Variants in BBS9 observed in about 807,000 individuals in gnomAD.
BBS9 encodes Bardet-Biedl syndrome 9.
In BBS9, 89 loss-of-function variants were observed where a neutral mutation model predicts 117.7. The observed-to-expected ratio is 0.76, with a 90% CI of 0.64 to 0.90. The LOEUF (loss-of-function observed/expected upper bound fraction) is 0.90. BBS9 is among the 40% of genes least tolerant of loss of function. BBS9 has a pLI of 0.00. For synonymous variants in BBS9, 379 were observed against 370.9 expected, an observed-to-expected ratio of 1.02 and a Z score of -0.25; for missense variants, 982 against 1,042.2, an observed-to-expected ratio of 0.94 and a Z score of 0.80.
intron 19 of BBS9, among the ~76,000 whole-genome samples, chr7:33,475,902 C>G (rs1007052598): frequency 2.2e-4 from 33 of 152,238 alleles, no homozygotes; most frequent in African/African-American, 7.9e-4. Context: ...GAAAATGGAA[C>G]AAGAATACCC....
intron 11 of BBS9, 64 bp from the exon 12 acceptor site, chr7:33,344,517 G>C: frequency 7.3e-7 from 1 of 1,373,128 alleles, no homozygotes; most frequent in East Asian, 2.3e-5. Flanking sequence ...CACTCATTGT[G>C]TTCACTCACT....
intron 15 of BBS9, among the ~76,000 whole-genome samples, chr7:33,354,712 A>T (rs1158847564): frequency 2.0e-5 from 3 of 151,960 alleles, no homozygotes; most frequent in African/African-American, 7.2e-5. Context: ...TTCCAATTTG[A>T]CAGTGATACT....
chr7:33,441,298 T>C (rs1836143557), intron 19 of BBS9, among the ~76,000 whole-genome samples: 1 of 149,708 alleles, frequency 6.7e-6, no homozygotes. Flanking sequence ...AAAAATAAAA[T>C]AAAAGGGTGG....
Position 33,581,076 on chromosome 7 carries a change from T to TG in BBS9, c.2522-23789_2522-23788insG, listed in dbSNP as rs1563396889. Among the ~76,000 whole-genome samples, 283 of 145,164 alleles carry TG rather than the reference T, an allele frequency of 1.9e-3. 1 individual carries two copies. Among genetic ancestry groups the TG allele is most frequent in the African/African-American group, 6.9e-3 (259 of 37,364 alleles). ...AAAGGTGTGTATTTTGTGTGTATTT[T>TG]TGTGTGTGTGTGTGTGTGTGAGAGA... On this transcript the variant is annotated intron_variant, in intron 21 of 22. Transcript: ENST00000242067.
chr7:33,533,389 G>A (rs945076442), intron 20 of BBS9, among the ~76,000 whole-genome samples: 1 of 152,186 alleles, frequency 6.6e-6, no homozygotes, highest in African/African-American at 2.4e-5. Context: ...CAGGCCCTGT[G>A]TCTCACACGA....
intron 1 of BBS9, among the ~76,000 whole-genome samples, chr7:33,134,215 ATTTTTTT>A (rs59609414): frequency 5.1e-5 from 6 of 118,052 alleles, no homozygotes; most frequent in East Asian, 2.5e-4. Flanking sequence ...ACGCCTGGCT[ATTTTTTT>A]TTTTTTTTTT....
chr7:33,563,776 T>C (rs573715817), intron 21 of BBS9, among the ~76,000 whole-genome samples: 3 of 152,286 alleles, frequency 2.0e-5, no homozygotes, highest in Admixed American at 2.0e-4. Context: ...GGAAGGAATG[T>C]CTGAGTATGA....
chr7:33,350,893 C>T (rs911317665), intron 13 of BBS9, among the ~76,000 whole-genome samples: 4 of 152,194 alleles, frequency 2.6e-5, no homozygotes, highest in Admixed American at 6.5e-5. Flanking sequence ...GTGGTTTTCT[C>T]ATGTTGGCTA....
chr7:33,536,681 T>TCCCCCCCCCCCCCC (rs1563323298), intron 21 of BBS9, among the ~76,000 whole-genome samples: 5 of 44,290 alleles, frequency 1.1e-4, no homozygotes, highest in Admixed American at 1.8e-4. Context: ...GATTCGGCCT[T>TCCCCCCCCCCCCCC]CCCCCCGCCC....
chr7:33,184,029 C>G (rs1177605881), intron 5 of BBS9, among the ~76,000 whole-genome samples: 1 of 151,966 alleles, frequency 6.6e-6, no homozygotes, highest in Non-Finnish European at 1.5e-5. Flanking sequence ...CTCACAAATC[C>G]TTTTTCTCAT....
In BBS9 at chr7:33,264,236, T is replaced by G. The variant is rs41276009; in HGVS notation, c.618-54T>G. On this transcript the variant is annotated intron_variant, in intron 6 of 22. Transcript: ENST00000242067. ...GTGTACTTTTAAAGTTTAAAATAAT[T>G]TATAATTTTTAATTATAAACTCATT... 0.026 allele frequency: 24,683 copies of G among 935,224 alleles called. 571 individuals carry two copies. The highest frequency in any genetic ancestry group is 0.094 in the African/African-American group (5,467 of 58,362). 57.9% of individuals were successfully genotyped at this position (935,224 alleles called of 1,614,324 possible). A position where few individuals can be genotyped will look rare whatever the true frequency, so the allele number is the denominator to read the frequency against.
At chr7:33,512,793 C>T (rs570196543) in intron 20 of BBS9, among the ~76,000 whole-genome samples, 3 of 152,338 alleles carry the variant, frequency 2.0e-5, no homozygotes, top group African/African-American at 7.2e-5. Flanking sequence ...GGCTCTGTGT[C>T]TCCCTGAATC....
chr7:33,291,605 C>A (rs1261868485), intron 9 of BBS9, among the ~76,000 whole-genome samples: 1 of 152,058 alleles, frequency 6.6e-6, no homozygotes, highest in Non-Finnish European at 1.5e-5. Flanking sequence ...GATTAATGAA[C>A]CTTGAGTTTT....
chr7:33,527,362 C>G lies in BBS9; in HGVS notation c.2299-6592C>G, dbSNP rs1457420475. ...CTCCCCCAGCCTCGCTGCCGCCTTG[C>G]AGTGTGATCTCAGACTGCTGTGCTA... On this transcript the variant is annotated intron_variant, in intron 20 of 22. Coordinates refer to ENST00000242067, the MANE Select transcript of BBS9 (RefSeq NM_198428.3). Among the ~76,000 whole-genome samples the G allele has an allele frequency of 2.0e-5, 3 of 152,180 alleles. No individual in the cohort carries two copies. The East Asian group carries it at 5.8e-4, about 29-fold the overall frequency.
At chr7:33,219,700 C>T (rs1229925191) in intron 5 of BBS9, among the ~76,000 whole-genome samples, 6 of 152,102 alleles carry the variant, frequency 3.9e-5, no homozygotes, top group Non-Finnish European at 8.8e-5. Context: ...GGATTATAAA[C>T]GCACCAATCA....
rs6977009 is a variant in BBS9 at position 33,334,393 on chromosome 7, G to C, written c.1017-2048G>C. On this transcript the variant is annotated intron_variant, in intron 9 of 22. Transcript: ENST00000242067. ...TGATGAATCTCACATTCTCTGAGAAGCCCCCCCCAGAGGTCTGCGCTTTAG... is the reference window on the plus strand; with the variant it reads ...TGATGAATCTCACATTCTCTGAGAACCCCCCCCCAGAGGTCTGCGCTTTAG... 6.8e-3 allele frequency among the ~76,000 whole-genome samples: 1,035 copies of C among 151,888 alleles called. 9 individuals are homozygous for C. The highest frequency in any genetic ancestry group is 9.7e-3 in the Non-Finnish European group (657 of 67,938).
intron 19 of BBS9, among the ~76,000 whole-genome samples, chr7:33,435,468 T>C (rs1835160071): frequency 3.3e-5 from 5 of 152,158 alleles, no homozygotes. Context: ...TTAATAAAAG[T>C]GTGTTAATTT....
chr7:33,283,298 T>A (rs201312708), intron 9 of BBS9, among the ~76,000 whole-genome samples: 72 of 152,306 alleles, frequency 4.7e-4, no homozygotes, highest in East Asian at 1.7e-3. Context: ...TAATTTTTTT[T>A]AAAAAGACAT....
intron 1 of BBS9, among the ~76,000 whole-genome samples, chr7:33,140,447 T>C (rs1227073021): frequency 6.6e-6 from 1 of 152,154 alleles, no homozygotes; most frequent in Non-Finnish European, 1.5e-5. Flanking sequence ...CCTTTTATCG[T>C]AGCCATCCTT....
Sources: allele counts gnomAD v4.1 joint callset (sites outside exome capture counted in the v4.1 genomes callset), GRCh38; gene constraint gnomAD v4.1.1; transcripts MANE v1.5; gene names NCBI Gene and HGNC (gene_info 2026-07-23, HGNC 2026-07-21).